Variants in TOP2B observed in about 807,000 individuals in gnomAD.
TOP2B encodes the protein DNA topoisomerase 2-beta.
A neutral mutation model predicts 193.5 loss-of-function variants in TOP2B; 51 were observed. The ratio of observed to expected loss-of-function variants is 0.26; its 90% confidence interval spans 0.21 to 0.33. The LOEUF is 0.33. Among genes scored for constraint, TOP2B ranks in the 10% least tolerant of loss-of-function variants. TOP2B has a pLI of 1.00. For missense variants in TOP2B, 1,378 were observed against 1,909.3 expected (o/e 0.72, Z 5.19); for synonymous variants, 634 against 635.7 (o/e 1.00, Z 0.04).
At chr3:25,598,519 T>TAAAG in intron 35 of TOP2B, 42 bp from the exon 36 acceptor site, 1 of 1,464,708 alleles carries the variant, frequency 6.8e-7, no homozygotes, top group Non-Finnish European at 9.2e-7. Context: ...TGAAAGGAAG[T>TAAAG]AAAGACTAGT....
In TOP2B at chr3:25,610,558, A is replaced by G. The variant is rs115610934; in HGVS notation, c.3787-846T>C. ...ACAGGAATTAAATGTTTAAAGAATT[A>G]GGTTTTTAAATGTAATAGTCTGCTA... On this transcript the variant is annotated intron_variant, in intron 28 of 35. Transcript: ENST00000264331. 1.4e-3 allele frequency among the ~76,000 whole-genome samples: 219 copies of G among 152,356 alleles called. 1 individual carries two copies. Among genetic ancestry groups the G allele is most frequent in the African/African-American group, 4.3e-3 (178 of 41,594 alleles).
At chr3:25,619,299 C>CTTTCTTT (rs1353913233) in intron 23 of TOP2B, among the ~76,000 whole-genome samples, 2,018 of 152,118 alleles carry the variant, frequency 0.013, 47 homozygotes, top group African/African-American at 0.044. Context: ...ATCCAGTCAC[C>CTTTCTTT]CAAACTCCTC....
intron 1 of TOP2B, among the ~76,000 whole-genome samples, chr3:25,653,951 A>G (rs140805966): frequency 3.9e-5 from 6 of 152,298 alleles, no homozygotes. Flanking sequence ...TAGAAAGAAA[A>G]CACCTCAATA....
At chr3:25,620,618 C>T in intron 22 of TOP2B, 64 bp downstream of exon 22, 2 of 1,530,440 alleles carry the variant, frequency 1.3e-6, no homozygotes, top group South Asian at 1.3e-5. Flanking sequence ...TGGAATCATC[C>T]TTACCAGAAA....
At chr3:25,611,012 T>G (rs9637524) in intron 28 of TOP2B, among the ~76,000 whole-genome samples, 50,909 of 151,968 alleles carry the variant, frequency 0.33, 9,140 homozygotes, top group African/African-American at 0.46. Context: ...TTAACTGGGA[T>G]AAGGCAAAGA....
chr3:25,660,136 G>A (rs1703866467), intron 1 of TOP2B, among the ~76,000 whole-genome samples: 1 of 152,100 alleles, frequency 6.6e-6, no homozygotes, highest in African/African-American at 2.4e-5. Flanking sequence ...TATTAAAAAC[G>A]TGCCTAAATA....
Position 25,615,532 on chromosome 3 carries a change from C to A in TOP2B, c.3406G>T (p.Gly1136Ter). The part of the protein sequence containing the change: ...NQHDDSSSDS[G>*]TPSGPDFNYI... ...TTAAAATCTGGGCCTGAAGGAGTTC[C>A]TGAATCGGAGGAACTATCATCATGC... The change falls in exon 26 of 36, where the codon GGA becomes TGA. Residue 1136 changes from glycine to a stop codon, truncating the protein, a stop_gained. Transcript: ENST00000264331. LOFTEE classifies it high-confidence loss of function. The A allele has an allele frequency of 6.3e-7, 1 of 1,576,194 alleles. No individual in the cohort carries two copies. Among genetic ancestry groups the A allele is most frequent in the East Asian group, 2.3e-5 (1 of 43,256 alleles).
intron 5 of TOP2B, among the ~76,000 whole-genome samples, chr3:25,637,860 C>G (rs950595443): frequency 1.3e-5 from 2 of 151,956 alleles, no homozygotes; most frequent in Admixed American, 6.5e-5. Context: ...CCAAAAGACA[C>G]AGTGCTATGT....
intron 7 of TOP2B, among the ~76,000 whole-genome samples, chr3:25,634,515 G>C (rs768355734): frequency 6.6e-6 from 1 of 152,044 alleles, no homozygotes; most frequent in Admixed American, 6.6e-5. Flanking sequence ...TATTTAATAA[G>C]CTAGTAGGAA....
chr3:25,635,633 A>AC (rs1353903456), intron 7 of TOP2B, among the ~76,000 whole-genome samples: 1 of 132,934 alleles, frequency 7.5e-6, no homozygotes, highest in Non-Finnish European at 1.6e-5. Context: ...ACTTGAAGAG[A>AC]GGGGATAGAA....
chr3:25,664,470 G>A lies in TOP2B; in HGVS notation c.-173C>T, dbSNP rs1704028683. ...GAGCGGACGTCCAGCCGAGCCCGCT[G>A]AGGAGGCCGCGCCGCCGGCTGCCCT... On this transcript the variant is annotated 5_prime_UTR_variant, in exon 1 of 36. Transcript: ENST00000264331. 1 of 1,208,576 alleles carries A rather than the reference G, an allele frequency of 8.3e-7. No homozygotes were observed. Among genetic ancestry groups the A allele is most frequent in the Non-Finnish European group, 1.0e-6 (1 of 974,354 alleles). 74.9% of individuals were successfully genotyped at this position (1,208,576 alleles called of 1,614,324 possible). A position where few individuals can be genotyped will look rare whatever the true frequency, so the allele number is the denominator to read the frequency against.
At chr3:25,623,062 G>A (rs1460501109) in intron 21 of TOP2B, among the ~76,000 whole-genome samples, 2 of 152,208 alleles carry the variant, frequency 1.3e-5, no homozygotes. Context: ...ACAGGTGTGA[G>A]CCACCACGCC....
chr3:25,642,103 C>G (rs941608783), intron 4 of TOP2B, among the ~76,000 whole-genome samples: 1 of 152,042 alleles, frequency 6.6e-6, no homozygotes, highest in Non-Finnish European at 1.5e-5. Flanking sequence ...ATAGCATACA[C>G]AGCATCAAAG....
chr3:25,599,374 G>C, intron 35 of TOP2B, 61 bp downstream of exon 35: 1 of 1,515,464 alleles, frequency 6.6e-7, no homozygotes, highest in Non-Finnish European at 9.0e-7. Context: ...AGCAAACTAA[G>C]TCACTTACAG....
At chr3:25,636,585 C>A (rs1227120598) in intron 6 of TOP2B, among the ~76,000 whole-genome samples, 1 of 151,994 alleles carries the variant, frequency 6.6e-6, no homozygotes, top group Non-Finnish European at 1.5e-5. Flanking sequence ...CAGAACCAAT[C>A]CTCCTGAGGC....
rs772111503 is a variant in TOP2B at position 25,629,002 on chromosome 3, A to AACAAT, written c.1800+28_1800+32dup. The AACAAT allele has an allele frequency of 1.0e-5, 16 of 1,574,768 alleles. No individual in the cohort carries two copies. The African/African-American group carries it at 2.2e-4, about 22-fold the overall frequency. On this transcript the variant is annotated intron_variant, in intron 14 of 35. Coordinates refer to ENST00000264331, the MANE Select transcript of TOP2B (RefSeq NM_001330700.2). ...TAGTTTTTCTGCTACCCTTTAAGAC[A>AACAAT]ACAATATAAAAATATATTAATGCAA...
At chr3:25,641,548 T>G (rs889662275) in intron 4 of TOP2B, among the ~76,000 whole-genome samples, 8 of 151,838 alleles carry the variant, frequency 5.3e-5, no homozygotes, top group Admixed American at 1.3e-4. Context: ...AAAAAATAAA[T>G]AATCTCGACA....
chr3:25,617,213 G>C (rs1356112636), intron 25 of TOP2B, among the ~76,000 whole-genome samples: 1 of 151,882 alleles, frequency 6.6e-6, no homozygotes, highest in Non-Finnish European at 1.5e-5. Flanking sequence ...CAGCTTACTA[G>C]TTACTTTTTT....
chr3:25,628,263 C>T (rs913186406), intron 15 of TOP2B, among the ~76,000 whole-genome samples: 1 of 149,640 alleles, frequency 6.7e-6, no homozygotes, highest in Non-Finnish European at 1.5e-5. Context: ...ATGGCTTGAA[C>T]TCAGGAGTCC....
Sources: gnomAD v4.1 joint callset for allele counts (sites outside exome capture counted in the v4.1 genomes callset) on GRCh38, gnomAD v4.1.1 for gene constraint, MANE v1.5 for transcripts, NCBI Gene and HGNC (gene_info 2026-07-23, HGNC 2026-07-21) for gene names.